The following SUGCT variants were observed in gnomAD, a reference collection of about 807,000 sequenced individuals.
The protein encoded by SUGCT is succinyl-CoA:glutarate CoA-transferase.
SUGCT carries 41 observed loss-of-function variants against 55.0 expected under a neutral mutation model. The observed-to-expected ratio is 0.74, with a 90% CI of 0.58 to 0.97. The LOEUF (loss-of-function observed/expected upper bound fraction) is 0.97, where lower values mean the gene tolerates loss of function less well. Among genes scored for constraint, SUGCT ranks in the 50% least tolerant of loss-of-function variants. SUGCT has a pLI of 0.00. For synonymous variants in SUGCT, 187 were observed against 200.4 expected (o/e 0.93, Z 0.56); for missense variants, 568 against 547.8 (o/e 1.04, Z -0.37).
chr7:40,262,622 A>G (rs1584497463), intron 7 of SUGCT, among the ~76,000 whole-genome samples: 3 of 151,722 alleles, frequency 2.0e-5, no homozygotes, highest in Admixed American at 6.6e-5. Context: ...CCGAGATCGT[A>G]CCACTGCACT....
intron 1 of SUGCT, among the ~76,000 whole-genome samples, chr7:40,148,101 G>A (rs434459): frequency 0.88 from 134,574 of 152,156 alleles, 59,963 homozygotes; most frequent in African/African-American, 0.97. Context: ...GTGGTTTGGC[G>A]GGAAAAATGG....
chr7:40,150,995 G>T (rs947800209), intron 1 of SUGCT, among the ~76,000 whole-genome samples: 2 of 152,146 alleles, frequency 1.3e-5, no homozygotes, highest in Admixed American at 1.3e-4. Flanking sequence ...CCAGCACTTC[G>T]GGAGGCTGAG....
chr7:40,245,441 T>TA (rs1562607571), intron 7 of SUGCT, among the ~76,000 whole-genome samples: 9 of 78,474 alleles, frequency 1.1e-4, no homozygotes, highest in East Asian at 4.9e-4. Context: ...TTTTTTTTTT[T>TA]TTTTTTTTTT....
At chr7:40,732,926 C>T (rs59353296) in intron 12 of SUGCT, among the ~76,000 whole-genome samples, 9,996 of 150,860 alleles carry the variant, frequency 0.066, 745 homozygotes, top group East Asian at 0.3. Flanking sequence ...CCCAACTCTA[C>T]TAAAAATACA....
At chr7:40,372,388 T>C (rs1489746471) in intron 9 of SUGCT, among the ~76,000 whole-genome samples, 1 of 152,128 alleles carries the variant, frequency 6.6e-6, no homozygotes, top group Non-Finnish European at 1.5e-5. Flanking sequence ...AAAAATGTAC[T>C]GAATGGTTTG....
At chr7:40,763,977 C>G (rs892224359) in intron 13 of SUGCT, among the ~76,000 whole-genome samples, 1 of 152,052 alleles carries the variant, frequency 6.6e-6, no homozygotes, top group Non-Finnish European at 1.5e-5. Flanking sequence ...CCAGCTGTTG[C>G]AACAGCAGGC....
intron 9 of SUGCT, among the ~76,000 whole-genome samples, chr7:40,362,273 G>T (rs892118121): frequency 1.3e-5 from 2 of 152,062 alleles, no homozygotes; most frequent in Admixed American, 1.3e-4. Flanking sequence ...ACAAAAATTA[G>T]CTGGGTGTGG....
At chr7:40,381,028 A>G (rs1454592441) in intron 9 of SUGCT, among the ~76,000 whole-genome samples, 1 of 152,154 alleles carries the variant, frequency 6.6e-6, no homozygotes, top group Non-Finnish European at 1.5e-5. Flanking sequence ...CTGAAATAAT[A>G]CCATCATTTG....
the SUGCT span, among the ~76,000 whole-genome samples, chr7:41,001,838 C>G: frequency 2.0e-5 from 3 of 152,186 alleles, no homozygotes. Flanking sequence ...TAGGACCTAA[C>G]AGGGATGTAG....
intron 12 of SUGCT, among the ~76,000 whole-genome samples, chr7:40,664,216 C>T (rs969380525): frequency 6.6e-6 from 1 of 152,200 alleles, no homozygotes; most frequent in Non-Finnish European, 1.5e-5. Context: ...TTTGTTATAG[C>T]AGTCCTGGCA....
chr7:40,452,967 A>C (rs905020701), intron 10 of SUGCT, among the ~76,000 whole-genome samples: 27 of 152,202 alleles, frequency 1.8e-4, no homozygotes, highest in African/African-American at 6.5e-4. Context: ...CTGGCAGTCA[A>C]CTTAACCAGC....
At chr7:40,284,761 A>G (rs1014367329) in intron 8 of SUGCT, among the ~76,000 whole-genome samples, 30 of 151,950 alleles carry the variant, frequency 2.0e-4, no homozygotes, top group African/African-American at 6.5e-4. Flanking sequence ...AAACATTGGG[A>G]AAAAAAAGGA....
chr7:40,414,504 T>G (rs977390117), intron 9 of SUGCT, among the ~76,000 whole-genome samples: 1 of 152,168 alleles, frequency 6.6e-6, no homozygotes, highest in Non-Finnish European at 1.5e-5. Flanking sequence ...ATTGCTAGAC[T>G]TATTTCCAAA....
the SUGCT span, among the ~76,000 whole-genome samples, chr7:40,914,937 A>C: frequency 6.6e-6 from 1 of 152,194 alleles, no homozygotes; most frequent in South Asian, 2.1e-4. Flanking sequence ...TGAACCCTGT[A>C]AAATAAGGAA....
At chr7:40,925,553 G>A in the SUGCT span, among the ~76,000 whole-genome samples, 19 of 152,124 alleles carry the variant, frequency 1.2e-4, no homozygotes, top group Admixed American at 3.9e-4. Flanking sequence ...CTGCAGAGCC[G>A]CTCAGATAAA....
chr7:40,890,024 C>T, the SUGCT span, among the ~76,000 whole-genome samples: 10,526 of 151,684 alleles, frequency 0.069, 430 homozygotes, highest in South Asian at 0.14. Context: ...TTAGCAGTGA[C>T]AGCATATCTG....
At chr7:40,194,196 T>C (rs1436396272) in intron 5 of SUGCT, among the ~76,000 whole-genome samples, 1 of 152,152 alleles carries the variant, frequency 6.6e-6, no homozygotes, top group Non-Finnish European at 1.5e-5. Context: ...CCTGCTTAAG[T>C]GCGTTAAGTG....
At chr7:40,801,612 G>GT (rs1431849327) in intron 13 of SUGCT, among the ~76,000 whole-genome samples, 1 of 152,148 alleles carries the variant, frequency 6.6e-6, no homozygotes, top group African/African-American at 2.4e-5. Context: ...TGAAGACTGA[G>GT]TTTTTTCACA....
At chr7:40,774,792 A>C (rs571950174) in intron 13 of SUGCT, among the ~76,000 whole-genome samples, 89 of 146,422 alleles carry the variant, frequency 6.1e-4, no homozygotes, top group African/African-American at 1.8e-3. Context: ...AAAAAAAAAA[A>C]CCCACAAATT....
Sources: gnomAD v4.1 joint callset for allele counts (sites outside exome capture counted in the v4.1 genomes callset) on GRCh38, gnomAD v4.1.1 for gene constraint, MANE v1.5 for transcripts, NCBI Gene and HGNC (gene_info 2026-07-23, HGNC 2026-07-21) for gene names.